Variants in SPRED1 observed in about 807,000 individuals in gnomAD.
The protein encoded by SPRED1 is sprouty related EVH1 domain containing 1, also known as sprouty-related, EVH1 domain-containing protein 1.
In SPRED1, 18 loss-of-function variants were observed where a neutral mutation model predicts 52.3. The ratio of observed to expected loss-of-function variants is 0.34; its 90% CI spans 0.24 to 0.51. The LOEUF (loss-of-function observed/expected upper bound fraction) is 0.51, where lower values mean the gene tolerates loss of function less well. SPRED1 is among the 20% of genes least tolerant of loss of function. The pLI is 0.97. For synonymous variants in SPRED1, 155 were observed against 179.7 expected (o/e 0.86, Z 1.10); for missense variants, 485 against 551.0 (o/e 0.88, Z 1.20).
intron 5 of SPRED1, among the ~76,000 whole-genome samples, chr15:38,347,322 C>G (rs949546422): frequency 6.6e-6 from 1 of 152,054 alleles, no homozygotes; most frequent in African/African-American, 2.4e-5. Flanking sequence ...CATCAATTCT[C>G]TATATATGTT....
At chr15:38,282,490 G>C (rs887651673) in intron 1 of SPRED1, among the ~76,000 whole-genome samples, 4 of 150,964 alleles carry the variant, frequency 2.6e-5, no homozygotes, top group Non-Finnish European at 4.4e-5. Context: ...CTGGGCAACA[G>C]AGCGAGACCC....
chr15:38,342,375 CT>C (rs1267686480), intron 5 of SPRED1, among the ~76,000 whole-genome samples: 19 of 151,944 alleles, frequency 1.3e-4, no homozygotes, highest in Admixed American at 1.2e-3. Flanking sequence ...TCCCTTTTAC[CT>C]TTTATGTAAC....
intron 4 of SPRED1, among the ~76,000 whole-genome samples, chr15:38,330,151 C>T (rs1305027689): frequency 6.6e-6 from 1 of 152,148 alleles, no homozygotes; most frequent in East Asian, 1.9e-4. Flanking sequence ...CCTAATACCA[C>T]ATTAAGCCAA....
At chr15:38,341,092 T>C (rs879321569) in intron 5 of SPRED1, among the ~76,000 whole-genome samples, 17 of 151,426 alleles carry the variant, frequency 1.1e-4, no homozygotes, top group Admixed American at 1.1e-3. Context: ...TTGTGTCAGC[T>C]ATGACAAGTT....
chr15:38,322,169 G>C lies in SPRED1; in HGVS notation c.208-72G>C. 3 of 1,441,576 alleles carry C rather than the reference G, an allele frequency of 2.1e-6. No homozygotes were observed. The Admixed American group carries it at 5.0e-5, about 24-fold the overall frequency. The allele number at this position is 1,441,576 out of a possible 1,614,324, so 89.3% of individuals were successfully genotyped here. On this transcript the variant is annotated intron_variant, in intron 2 of 6. Transcript: ENST00000299084. ...AAAGTAATAGCGTTGTATCACCTCA[G>C]TTTGTATTTATGAGCTACATTAGAT...
At position 38,337,564 on chromosome 15, in the gene SPRED1, A is replaced by G. The variant is rs1001655019; in HGVS notation, c.424-2173A>G. ...ATTTGTTACTTAAATATTACACACA[A>G]TTTAATAATGAAGCAATAAACACTT... is the stretch of plus-strand genomic sequence containing the variant. On this transcript the variant is annotated intron_variant, in intron 4 of 6. Coordinates refer to ENST00000299084, the MANE Select transcript of SPRED1 (RefSeq NM_152594.3). Among the ~76,000 whole-genome samples the G allele has an allele frequency of 6.6e-5, 10 of 152,278 alleles. No individual in the cohort carries two copies. The South Asian group carries it at 1.7e-3, about 25-fold the overall frequency.
chr15:38,289,186 G>T (rs770913078), intron 1 of SPRED1, among the ~76,000 whole-genome samples: 1 of 150,116 alleles, frequency 6.7e-6, no homozygotes, highest in African/African-American at 2.5e-5. Flanking sequence ...TACAAGTTTT[G>T]TATTCCACGT....
intron 1 of SPRED1, among the ~76,000 whole-genome samples, chr15:38,260,438 G>T (rs1608223): frequency 0.82 from 125,408 of 152,142 alleles, 52,472 homozygotes; most frequent in Non-Finnish European, 0.9. Flanking sequence ...AAGGTCATGG[G>T]GCTAGGACTT....
intron 2 of SPRED1, among the ~76,000 whole-genome samples, chr15:38,309,298 A>G (rs919639838): frequency 6.6e-6 from 1 of 151,804 alleles, no homozygotes; most frequent in African/African-American, 2.4e-5. Context: ...GCATCACCAC[A>G]CCTGGCTAAT....
At position 38,293,099 on chromosome 15, in the gene SPRED1, C is replaced by CTTTTTTTT. The variant is rs66511254; in HGVS notation, c.33-6262_33-6255dup. Among the ~76,000 whole-genome samples the CTTTTTTTT allele has an allele frequency of 2.2e-4, 20 of 90,730 alleles. 6 individuals carry two copies. The highest frequency in any genetic ancestry group is 3.7e-4 in the East Asian group (1 of 2,696). 59.5% of individuals were successfully genotyped at this position (90,730 alleles called of 152,430 possible). On this transcript the variant is annotated intron_variant, in intron 1 of 6. Coordinates refer to ENST00000299084, the MANE Select transcript of SPRED1 (RefSeq NM_152594.3). ...TTAAGTAATTTACCCAAGATTACAA[C>CTTTTTTTT]TTTTTTTTTTTTTTTTTTTGAGACG...
intron 2 of SPRED1, among the ~76,000 whole-genome samples, chr15:38,321,507 A>G (rs1334442238): frequency 1.3e-5 from 2 of 152,188 alleles, no homozygotes; most frequent in Admixed American, 6.6e-5. Context: ...AAAGTGGCCA[A>G]GTGTATTTGT....
chr15:38,273,474 T>C (rs1183260414), intron 1 of SPRED1, among the ~76,000 whole-genome samples: 1 of 148,602 alleles, frequency 6.7e-6, no homozygotes, highest in African/African-American at 2.5e-5. Context: ...TATCATGAAC[T>C]AAGTTTTTTT....
In SPRED1 at chr15:38,253,126, T is replaced by C; in HGVS notation, c.-60T>C. Reference sequence around the variant, plus strand: ...GCTGCCTCCTGCCCCTCGGTGCTGCTGTTGCTCCCCCGCCTGCTGTTGCTC... The same window carrying C: ...GCTGCCTCCTGCCCCTCGGTGCTGCCGTTGCTCCCCCGCCTGCTGTTGCTC... On this transcript the variant is annotated 5_prime_UTR_variant, in exon 1 of 7. Coordinates refer to ENST00000299084, the MANE Select transcript of SPRED1 (RefSeq NM_152594.3). 3 of 1,513,622 alleles carry C rather than the reference T, an allele frequency of 2.0e-6. No individual in the cohort carries two copies. The highest frequency in any genetic ancestry group is 2.7e-6 in the Non-Finnish European group (3 of 1,112,166). The allele number at this position is 1,513,622 out of a possible 1,614,324, so 93.8% of individuals were successfully genotyped here.
At chr15:38,299,213 CT>C (rs1270452704) in intron 1 of SPRED1, 159 bp from the exon 2 acceptor site, 2 of 845,938 alleles carry the variant, frequency 2.4e-6, no homozygotes, top group African/African-American at 3.3e-5. Flanking sequence ...TTTTTGACCT[CT>C]TTCAAGTAGG....
intron 1 of SPRED1, among the ~76,000 whole-genome samples, chr15:38,277,833 G>C (rs1422641995): frequency 1.3e-5 from 2 of 151,092 alleles, no homozygotes; most frequent in African/African-American, 4.9e-5. Flanking sequence ...GGTATCTTTT[G>C]GTTTTGATTT....
At chr15:38,310,462 T>C (rs1011463558) in intron 2 of SPRED1, among the ~76,000 whole-genome samples, 2 of 152,136 alleles carry the variant, frequency 1.3e-5, no homozygotes, top group African/African-American at 2.4e-5. Context: ...TATTCTTGTA[T>C]GTATCTACAA....
At chr15:38,320,443 A>G (rs770858205) in intron 2 of SPRED1, among the ~76,000 whole-genome samples, 3 of 152,208 alleles carry the variant, frequency 2.0e-5, no homozygotes, top group Non-Finnish European at 2.9e-5. Flanking sequence ...TCTTGAAAGC[A>G]TTGAAAAGAC....
intron 2 of SPRED1, among the ~76,000 whole-genome samples, chr15:38,319,250 C>G (rs373670598): frequency 6.6e-6 from 1 of 152,108 alleles, no homozygotes; most frequent in African/African-American, 2.4e-5. Context: ...CATTTACTTC[C>G]CCTTGAATTC....
chr15:38,318,550 A>G (rs2140992031), intron 2 of SPRED1, among the ~76,000 whole-genome samples: 1 of 152,210 alleles, frequency 6.6e-6, no homozygotes, highest in South Asian at 2.1e-4. Context: ...TTTGACACCC[A>G]TGTACTCAAT....
Sources: gnomAD v4.1 joint callset for allele counts (sites outside exome capture counted in the v4.1 genomes callset) on GRCh38, gnomAD v4.1.1 for gene constraint, MANE v1.5 for transcripts, NCBI Gene and HGNC (gene_info 2026-07-23, HGNC 2026-07-21) for gene names.